Variants in CAPN6 observed in about 807,000 individuals in gnomAD.
The protein encoded by CAPN6 is calpain-6.
CAPN6 carries 16 observed loss-of-function variants against 46.0 expected under a neutral mutation model. That is an observed-to-expected ratio of 0.35 (90% CI 0.24 to 0.53). The LOEUF (loss-of-function observed/expected upper bound fraction) is 0.53. CAPN6 is among the 20% of genes least tolerant of loss of function. The pLI is 0.94. For missense variants in CAPN6, 461 were observed against 498.0 expected, an observed-to-expected ratio of 0.93 and a Z score of 0.71; for synonymous variants, 206 against 172.8, an observed-to-expected ratio of 1.19 and a Z score of -1.51.
intron 2 of CAPN6, among the ~76,000 whole-genome samples, chrX:111,257,527 T>C (rs2094984818): frequency 8.9e-6 from 1 of 111,933 alleles, no homozygotes; most frequent in Non-Finnish European, 1.9e-5. Flanking sequence ...TAGCCAAGGA[T>C]TTAGAAAGGG....
At chrX:111,267,687 G>A (rs753024770) in intron 1 of CAPN6, among the ~76,000 whole-genome samples, 13 of 112,015 alleles carry the variant, frequency 1.2e-4, no homozygotes, top group Middle Eastern at 9.2e-3. Context: ...GGATTTAGGT[G>A]AGTGGGAGAG....
Position 111,250,934 on chromosome X carries a change from A to C in CAPN6, c.1141T>G (p.Phe381Val), listed in dbSNP as rs773150346. The stretch of plus-strand genomic sequence containing the variant: ...ACTCAAACCTGGGGATTCTGCAGGA[A>C]GGTATCACGGTTGTTATAGCAGCCT... ...SGGCYNNRDTFLQNPQYIFTV... is the reference protein window; with the variant it reads ...SGGCYNNRDTVLQNPQYIFTV... The change falls in exon 8 of 13, where the codon TTC becomes GTC. Residue 381 changes from phenylalanine to valine, a missense_variant. Physicochemically the swap from Phe to Val is conservative, Grantham distance 50 (BLOSUM62 -1). Coordinates refer to ENST00000324068, the MANE Select transcript of CAPN6 (RefSeq NM_014289.4). 2 of 1,208,319 alleles carry C rather than the reference A, an allele frequency of 1.7e-6. No individual in the cohort carries two copies. The highest frequency in any genetic ancestry group is 1.8e-5 in the African/African-American group (1 of 57,031).
rs779778971 is a variant in CAPN6 at position 111,245,548 on chromosome X, G to C, written c.*1029C>G. 31 of 112,247 alleles carry C rather than the reference G, an allele frequency of 2.8e-4. No individual in the cohort carries two copies. The highest frequency in any genetic ancestry group is 9.4e-4 in the African/African-American group (29 of 30,755). The allele number at this position is 112,247 out of a possible 1,213,427, so 9.3% of individuals were successfully genotyped here. On this transcript the variant is annotated 3_prime_UTR_variant, in exon 13 of 13. Transcript: ENST00000324068. ...CTGGGACCAAAGTCTCAAGTCCCCA[G>C]ATGGGGTCTTCAGTACAAATGATAT...
In CAPN6 at chrX:111,252,289, T is replaced by G. The variant is rs1351164377; in HGVS notation, c.699+18A>C. On this transcript the variant is annotated intron_variant, in intron 5 of 12. Coordinates refer to ENST00000324068, the MANE Select transcript of CAPN6 (RefSeq NM_014289.4). ...GCCAGGAATGAGTATACAGTGGTTGTTTTTCATGAGTACAAACCTCAATGG... is the reference window on the plus strand; with the variant it reads ...GCCAGGAATGAGTATACAGTGGTTGGTTTTCATGAGTACAAACCTCAATGG... The G allele has an allele frequency of 8.6e-7, 1 of 1,163,527 alleles. No individual in the cohort carries two copies. Among genetic ancestry groups the G allele is most frequent in the Non-Finnish European group, 1.2e-6 (1 of 866,059 alleles).
intron 2 of CAPN6, among the ~76,000 whole-genome samples, chrX:111,255,133 T>C (rs2094982778): frequency 8.9e-6 from 1 of 112,019 alleles, no homozygotes; most frequent in Non-Finnish European, 1.9e-5. Context: ...CCCCAACATA[T>C]TAACTGTGCC....
chrX:111,247,250 A>C, intron 12 of CAPN6, 118 bp downstream of exon 12: 2 of 699,800 alleles, frequency 2.9e-6, no homozygotes, highest in Admixed American at 3.3e-5. Flanking sequence ...AGTATAAAAC[A>C]AACCAAAAAA....
At chrX:111,251,475 G>C in intron 6 of CAPN6, 74 bp downstream of exon 6, 1 of 950,962 alleles carries the variant, frequency 1.1e-6, no homozygotes, top group Non-Finnish European at 1.5e-6. Flanking sequence ...CAGCACACTA[G>C]CAGTCTGGAG....
At position 111,246,480 on chromosome X, in the gene CAPN6, C is replaced by A; in HGVS notation, c.*97G>T. On this transcript the variant is annotated 3_prime_UTR_variant, in exon 13 of 13. Transcript: ENST00000324068. ...AGGAAGAGTTAATTATTGTGAATCT[C>A]ATTCTTTCTAAAGATTGTGAATCTT... 1.4e-6 allele frequency: 1 copy of A among 723,707 alleles called. No individual in the cohort carries two copies. 59.6% of individuals were successfully genotyped at this position (723,707 alleles called of 1,213,427 possible).
At chrX:111,250,894 C>A (rs2147531503) in intron 8 of CAPN6, 23 bp downstream of exon 8, 1 of 1,193,171 alleles carries the variant, frequency 8.4e-7, no homozygotes, top group Non-Finnish European at 1.1e-6. Context: ...AACTTTGAGG[C>A]AAATAAAGTA....
chrX:111,247,856 T>C lies in CAPN6; in HGVS notation c.1606+15A>G. ...AACTGAATTTTGCTTTCCCAGACAT[T>C]CCTGCCATTCTTACTTTCATTGGCA... On this transcript the variant is annotated intron_variant, in intron 11 of 12. Coordinates refer to ENST00000324068, the MANE Select transcript of CAPN6 (RefSeq NM_014289.4). The C allele has an allele frequency of 2.5e-6, 3 of 1,207,547 alleles. No individual in the cohort carries two copies. Among genetic ancestry groups the C allele is most frequent in the Non-Finnish European group, 3.4e-6 (3 of 892,855 alleles).
In CAPN6 at chrX:111,270,477, T is replaced by C; in HGVS notation, c.-122A>G. 1 of 326,835 alleles carries C rather than the reference T, an allele frequency of 3.1e-6. No individual in the cohort carries two copies. The highest frequency in any genetic ancestry group is 2.4e-5 in the African/African-American group (1 of 41,548). 26.9% of individuals were successfully genotyped at this position (326,835 alleles called of 1,213,427 possible). On this transcript the variant is annotated 5_prime_UTR_variant, in exon 1 of 13. Coordinates refer to ENST00000324068, the MANE Select transcript of CAPN6 (RefSeq NM_014289.4). ...GTAACCCCACTAAAAGTCTGTTCAG[T>C]CAGTGTGGCTGAACAAAGATTCTGG... is the stretch of plus-strand genomic sequence containing the variant.
At chrX:111,267,512 AT>A (rs1175338116) in intron 1 of CAPN6, among the ~76,000 whole-genome samples, 1 of 111,184 alleles carries the variant, frequency 9.0e-6, no homozygotes, top group Non-Finnish European at 1.9e-5. Flanking sequence ...AGAGAGAGGT[AT>A]TTTTTTTCTA....
chrX:111,247,515 G>C lies in CAPN6; in HGVS notation c.1607-11C>G. ...AATATGGGTTTACAGCTGGAACAAA[G>C]TGACATATGTTTTTAACACAGCAAT... On this transcript the variant is annotated splice_polypyrimidine_tract_variant and intron_variant, in intron 11 of 12. Transcript: ENST00000324068. The C allele has an allele frequency of 8.4e-7, 1 of 1,194,304 alleles. No individual in the cohort carries two copies. The highest frequency in any genetic ancestry group is 3.0e-5 in the East Asian group (1 of 33,620).
chrX:111,267,365 C>T (rs1395905389), intron 1 of CAPN6, among the ~76,000 whole-genome samples: 1 of 111,049 alleles, frequency 9.0e-6, no homozygotes, highest in Non-Finnish European at 1.9e-5. Context: ...AATTCAGATC[C>T]ACCACTTTGA....
chrX:111,252,001 A>G (rs926868266), intron 5 of CAPN6, among the ~76,000 whole-genome samples: 2 of 112,389 alleles, frequency 1.8e-5, no homozygotes, highest in African/African-American at 6.5e-5. Context: ...GATGGGGCAG[A>G]TTCATTTATT....
intron 2 of CAPN6, among the ~76,000 whole-genome samples, chrX:111,258,833 A>G (rs1345240628): frequency 1.8e-5 from 2 of 112,240 alleles, no homozygotes; most frequent in African/African-American, 6.5e-5. Context: ...GGAAGAATTT[A>G]TATATCTATG....
intron 2 of CAPN6, among the ~76,000 whole-genome samples, chrX:111,263,320 A>T (rs1188230222): frequency 1.8e-5 from 2 of 111,948 alleles, no homozygotes; most frequent in Non-Finnish European, 3.8e-5. Context: ...CTATTGATAC[A>T]CAGAACACCT....
At position 111,247,432 on chromosome X, in the gene CAPN6, T is replaced by C. The variant is rs927682813; in HGVS notation, c.1679A>G (p.His560Arg). 1.2e-5 allele frequency: 14 copies of C among 1,208,014 alleles called. No homozygotes were observed. The highest frequency in any genetic ancestry group is 1.6e-5 in the Non-Finnish European group (14 of 892,687). Residue 560 changes from histidine to arginine, a missense_variant, in exon 12 of 13, where the codon CAT (histidine) becomes CGT (arginine). Coordinates refer to ENST00000324068, the MANE Select transcript of CAPN6 (RefSeq NM_014289.4). ...AATGGCCTGGGTGTCAAAAATGGCA[T>C]GAACTGTATTCTTCTGGACAGGAGA... Reference protein sequence around the residue: ...VRSPVQKNTVHAIFDTQAIFY... With the variant: ...VRSPVQKNTVRAIFDTQAIFY...
chrX:111,263,408 T>A (rs996693941), intron 2 of CAPN6, among the ~76,000 whole-genome samples: 1 of 111,716 alleles, frequency 9.0e-6, no homozygotes, highest in South Asian at 3.8e-4. Flanking sequence ...TTGTTGTTTT[T>A]TCTAAGTAAA....
Sources: gnomAD v4.1 joint callset for allele counts (sites outside exome capture counted in the v4.1 genomes callset) on GRCh38, gnomAD v4.1.1 for gene constraint, MANE v1.5 for transcripts, NCBI Gene and HGNC (gene_info 2026-07-23, HGNC 2026-07-21) for gene names.